The following KLHL10 variants were observed in gnomAD, a reference collection of about 807,000 sequenced individuals.
KLHL10 encodes the protein kelch-like protein 10.
In KLHL10, 11 loss-of-function variants were observed where a neutral mutation model predicts 46.6. The ratio of observed to expected loss-of-function variants is 0.24; its 90% CI spans 0.15 to 0.39. The LOEUF is 0.39. Among genes scored for constraint, KLHL10 ranks in the 10% least tolerant of loss-of-function variants. KLHL10 has a pLI of 1.00. For missense variants in KLHL10, 475 were observed against 789.8 expected (o/e 0.60, Z 4.78); for synonymous variants, 254 against 279.1 (o/e 0.91, Z 0.90).
intron 4 of KLHL10, 26 bp downstream of exon 4, chr17:41,847,436 C>CA (rs1567870953): frequency 1.2e-6 from 2 of 1,612,084 alleles, no homozygotes; most frequent in East Asian, 2.2e-5. Context: ...ACCACACACA[C>CA]ACAAAAAACA....
intron 2 of KLHL10, 71 bp from the exon 3 acceptor site, chr17:41,845,055 T>C (rs1035538205): frequency 1.3e-6 from 2 of 1,583,910 alleles, no homozygotes; most frequent in South Asian, 2.2e-5. Context: ...GATCGAAAAA[T>C]GGGAGTTAAG....
upstream of KLHL10, chr17:41,836,522 G>A: frequency 1.1e-6 from 1 of 944,108 alleles, no homozygotes; most frequent in Non-Finnish European, 1.3e-6. Context: ...CTGAAAGTTT[G>A]TGACAAAAAC....
intron 1 of KLHL10, among the ~76,000 whole-genome samples, chr17:41,838,973 GCCACCGC>G: frequency 6.6e-6 from 1 of 151,904 alleles, no homozygotes; most frequent in African/African-American, 2.4e-5. Context: ...ACAGGCATTA[GCCACCGC>G]GCCTGGCAAG....
upstream of KLHL10, chr17:41,835,708 G>T: frequency 2.4e-6 from 2 of 847,144 alleles, no homozygotes; most frequent in Non-Finnish European, 3.9e-6. Flanking sequence ...TAGGACAGGC[G>T]AACCAACCCG....
At chr17:41,844,265 C>T (rs1469748955) in intron 2 of KLHL10, among the ~76,000 whole-genome samples, 3 of 151,006 alleles carry the variant, frequency 2.0e-5, no homozygotes, top group Non-Finnish European at 4.4e-5. Context: ...GAGTCTAGCT[C>T]TGTTGCCCAG....
At position 41,847,376 on chromosome 17, in the gene KLHL10, T is replaced by C. The variant is rs782436117; in HGVS notation, c.1418T>C (p.Ile473Thr). The part of the protein sequence containing the change: ...IAPMRSRRSG[I>T]GVIAYGEHVY... ...CCCATGAGAAGCAGGAGGAGTGGAA[T>C]AGGCGTGATTGCTTATGGAGAACAT... is the stretch of plus-strand genomic sequence containing the variant. The change falls in exon 4 of 5, where the codon ATA (isoleucine) becomes ACA (threonine). Residue 473 changes from isoleucine (I) to threonine (T), a missense_variant. Coordinates refer to ENST00000293303, the MANE Select transcript of KLHL10 (RefSeq NM_152467.5). 8.7e-6 allele frequency: 14 copies of C among 1,614,082 alleles called. No homozygotes were observed. The highest frequency in any genetic ancestry group is 5.0e-5 in the Admixed American group (3 of 59,998).
Position 41,847,293 on chromosome 17 carries a change from G to A in KLHL10, c.1335G>A (p.Glu445=). 6.2e-7 allele frequency: 1 copy of A among 1,614,010 alleles called. No homozygotes were observed. The highest frequency in any genetic ancestry group is 8.5e-7 in the Non-Finnish European group (1 of 1,179,984). ...VYICGGFNGN[E]CLFTAEVYNT... ...TATGTGGTGGGTTTAATGGAAACGAGTGCCTGTTCACAGCAGAAGTGTATA... is the reference window on the plus strand; with the variant it reads ...TATGTGGTGGGTTTAATGGAAACGAATGCCTGTTCACAGCAGAAGTGTATA... Residue 445 remains glutamate (E), a synonymous_variant, in exon 4 of 5, where the codon GAG becomes GAA. Coordinates refer to ENST00000293303, the MANE Select transcript of KLHL10 (RefSeq NM_152467.5).
upstream of KLHL10, chr17:41,835,776 A>G (rs1439934266): frequency 4.5e-6 from 6 of 1,322,854 alleles, no homozygotes; most frequent in African/African-American, 8.7e-5. Context: ...GGTCCGCGGC[A>G]GAGCAAAGCG....
upstream of KLHL10, chr17:41,837,779 C>A (rs1421951380): frequency 1.4e-6 from 2 of 1,467,994 alleles, no homozygotes; most frequent in Non-Finnish European, 1.8e-6. Context: ...TGTGTGATCT[C>A]ACTGCAGGGC....
chr17:41,841,711 G>C lies in KLHL10; in HGVS notation c.195-112G>C, dbSNP rs1320587367. 4.1e-6 allele frequency: 5 copies of C among 1,232,816 alleles called. No homozygotes were observed. The Admixed American group carries it at 6.9e-5, about 17-fold the overall frequency. The allele number at this position is 1,232,816 out of a possible 1,614,324, so 76.4% of individuals were successfully genotyped here. A position where few individuals can be genotyped will look rare whatever the true frequency, so the allele number is the denominator to read the frequency against. ...GAGTTCTTGGAAAGGTGTTCTTCTT[G>C]TCCACTGTATATAGCACATGCCTGC... is the stretch of plus-strand genomic sequence containing the variant. On this transcript the variant is annotated intron_variant, in intron 1 of 4. Transcript: ENST00000293303.
chr17:41,845,175 T>C lies in KLHL10; in HGVS notation c.734T>C (p.Met245Thr). The change falls in exon 3 of 5, where the codon ATG (methionine) becomes ACG (threonine). Residue 245 changes from methionine (M) to threonine (T), a missense_variant. Transcript: ENST00000293303. ...GAGTACTTCATGAACAATGTTAAGATGAATGACTATGTCAAAGACAGTGAG... is the reference window on the plus strand; with the variant it reads ...GAGTACTTCATGAACAATGTTAAGACGAATGACTATGTCAAAGACAGTGAG... ...HAEYFMNNVK[M>T]NDYVKDSEEC... 2 of 1,614,250 alleles carry C rather than the reference T, an allele frequency of 1.2e-6. No homozygotes were observed. Among genetic ancestry groups the C allele is most frequent in the Non-Finnish European group, 1.7e-6 (2 of 1,180,054 alleles).
intron 3 of KLHL10, among the ~76,000 whole-genome samples, chr17:41,846,084 G>A (rs557678235): frequency 8.6e-5 from 13 of 151,674 alleles, no homozygotes; most frequent in African/African-American, 2.2e-4. Flanking sequence ...GGTGGCGGGC[G>A]CCTGTAATCC....
chr17:41,838,142 CAAATTCAGCCAAAGGGG>C lies in KLHL10; in HGVS notation c.194+17_194+33del. On this transcript the variant is annotated intron_variant, in intron 1 of 4. Transcript: ENST00000293303. The stretch of plus-strand genomic sequence containing the variant: ...CCTACTTTAGGTATAACAGGGTTGC[CAAATTCAGCCAAAGGGG>C]TAATTGGGCTCATTTTGAGACACTT... 6.2e-7 allele frequency: 1 copy of C among 1,603,870 alleles called. No individual in the cohort carries two copies. Among genetic ancestry groups the C allele is most frequent in the South Asian group, 1.1e-5 (1 of 90,848 alleles).
chr17:41,847,129 T>G, intron 3 of KLHL10, 132 bp from the exon 4 acceptor site: 1 of 780,944 alleles, frequency 1.3e-6, no homozygotes, highest in Non-Finnish European at 2.3e-6. Flanking sequence ...TAAAAAGCAA[T>G]GCATGCACAT....
rs782600399 is a variant in KLHL10, at chr17:41,841,932, G to A, written c.304G>A (p.Val102Met). 1.4e-5 allele frequency: 22 copies of A among 1,614,070 alleles called. No homozygotes were observed. The highest frequency in any genetic ancestry group is 5.0e-5 in the Admixed American group (3 of 59,990). ...LIIEYAYTRT[V>M]PITPDNVEKL... The stretch of plus-strand genomic sequence containing the variant: ...CATTGAGTATGCATACACCCGGACC[G>A]TGCCTATCACACCGGACAATGTGGA... Residue 102 changes from valine (V) to methionine (M), a missense_variant, in exon 2 of 5, where the codon GTG (valine) becomes ATG (methionine). Transcript: ENST00000293303.
upstream of KLHL10, chr17:41,837,694 T>A: frequency 8.1e-7 from 1 of 1,228,638 alleles, no homozygotes; most frequent in Non-Finnish European, 1.1e-6. Context: ...GTTTTCAGCC[T>A]AAGTGGGGTG....
chr17:41,844,794 C>G (rs782477185), intron 2 of KLHL10, among the ~76,000 whole-genome samples: 2 of 152,102 alleles, frequency 1.3e-5, no homozygotes, highest in Non-Finnish European at 2.9e-5. Context: ...GGTGATCCGC[C>G]CATCTCGGCC....
At chr17:41,836,329 G>C, upstream of KLHL10, 2 of 1,228,628 alleles carry the variant, frequency 1.6e-6, no homozygotes, top group Non-Finnish European at 2.0e-6. Context: ...GCCGAGAATC[G>C]AGCGGTCCCG....
intron 2 of KLHL10, 70 bp from the exon 3 acceptor site, chr17:41,845,056 G>C (rs2048270139): frequency 1.9e-6 from 3 of 1,583,918 alleles, no homozygotes; most frequent in Non-Finnish European, 1.7e-6. Context: ...ATCGAAAAAT[G>C]GGAGTTAAGG....
Sources: gnomAD v4.1 joint callset for allele counts (sites outside exome capture counted in the v4.1 genomes callset) on GRCh38, gnomAD v4.1.1 for gene constraint, MANE v1.5 for transcripts, NCBI Gene and HGNC (gene_info 2026-07-23, HGNC 2026-07-21) for gene names.